Variants in CSMD2 observed in about 807,000 individuals in gnomAD.
CSMD2 encodes the protein CUB and sushi domain-containing protein 2.
In CSMD2, 130 loss-of-function variants were observed where a neutral mutation model predicts 398.5. The observed-to-expected ratio is 0.33, with a 90% CI of 0.28 to 0.38. The LOEUF (loss-of-function observed/expected upper bound fraction) is 0.38, where lower values mean the gene tolerates loss of function less well. Among genes scored for constraint, CSMD2 ranks in the 10% least tolerant of loss-of-function variants. CSMD2 has a pLI of 1.00. For synonymous variants in CSMD2, 1,828 were observed against 1,908.5 expected, an observed-to-expected ratio of 0.96 and a Z score of 1.10; for missense variants, 3,829 against 4,764.9, an observed-to-expected ratio of 0.80 and a Z score of 5.78.
Position 33,519,682 on chromosome 1 carries a change from C to A in CSMD2, c.10737-5G>T, listed in dbSNP as rs369421698. The A allele has an allele frequency of 5.6e-6, 9 of 1,613,802 alleles. No homozygotes were observed. The highest frequency in any genetic ancestry group is 5.5e-5 in the South Asian group (5 of 91,034). ...AAAGGAACTTTGGGTCTTCTCCTGG[C>A]GATAAAAGAGGAAGTGCCCACGGCA... On this transcript the variant is annotated splice_polypyrimidine_tract_variant and splice_region_variant and intron_variant, in intron 69 of 70. Coordinates refer to ENST00000373381, the MANE Select transcript of CSMD2 (RefSeq NM_001281956.2). The surrounding 1 kb of genome is among the most constrained non-coding windows in gnomAD (Gnocchi z 5.6).
chr1:34,149,393 T>C (rs1421192548), intron 1 of CSMD2, among the ~76,000 whole-genome samples: 1 of 152,148 alleles, frequency 6.6e-6, no homozygotes, highest in Non-Finnish European at 1.5e-5. Context: ...CTGCCTGCAA[T>C]GCCTCATCCT....
chr1:33,577,800 G>T (rs1189030273), intron 48 of CSMD2, among the ~76,000 whole-genome samples: 4 of 152,146 alleles, frequency 2.6e-5, no homozygotes, highest in Non-Finnish European at 5.9e-5. Context: ...CTTCAGCTCC[G>T]AAACAGACTT....
rs183780075 is a variant in CSMD2, at chr1:33,749,186, C to A, written c.1847-5580G>T. ...GATCTCGGCTCACTGCAGGCTCCACCCCCCCAGGTTCACGCCATTCTCTTG... is the reference window on the plus strand; with the variant it reads ...GATCTCGGCTCACTGCAGGCTCCACACCCCCAGGTTCACGCCATTCTCTTG... On this transcript the variant is annotated intron_variant, in intron 13 of 70. Transcript: ENST00000373381. Among the ~76,000 whole-genome samples, 590 of 150,744 alleles carry A rather than the reference C, an allele frequency of 3.9e-3. 3 individuals carry two copies. The highest frequency in any genetic ancestry group is 0.013 in the African/African-American group (545 of 40,942).
At chr1:33,587,666 A>G (rs1027810075) in intron 44 of CSMD2, among the ~76,000 whole-genome samples, 4 of 152,248 alleles carry the variant, frequency 2.6e-5, no homozygotes, top group Non-Finnish European at 2.9e-5. Context: ...TACATGCTGC[A>G]TGTGGCTTTT....
intron 4 of CSMD2, 145 bp downstream of exon 4, chr1:33,935,615 G>A (rs1644454130): frequency 2.5e-6 from 2 of 804,240 alleles, no homozygotes; most frequent in Non-Finnish European, 3.8e-6. Context: ...TGAGGACCCT[G>A]AAAACCCTCT....
intron 13 of CSMD2, among the ~76,000 whole-genome samples, chr1:33,745,375 A>G (rs530563038): frequency 6.6e-6 from 1 of 152,238 alleles, no homozygotes; most frequent in South Asian, 2.1e-4. Flanking sequence ...AGCATAAAAA[A>G]GGTAGTTCCA....
chr1:33,966,815 C>A (rs1645573561), intron 3 of CSMD2, among the ~76,000 whole-genome samples: 1 of 152,084 alleles, frequency 6.6e-6, no homozygotes, highest in Non-Finnish European at 1.5e-5. Flanking sequence ...TTTGTGACAG[C>A]TAAAAAGGCG....
intron 6 of CSMD2, among the ~76,000 whole-genome samples, chr1:33,833,644 C>T (rs980792274): frequency 0.012 from 1,742 of 149,652 alleles, 51 homozygotes; most frequent in African/African-American, 0.041. Context: ...GTTGGAAGTT[C>T]TGGCCAGGGC....
chr1:33,932,472 G>A (rs1644343847), intron 4 of CSMD2, among the ~76,000 whole-genome samples: 1 of 152,182 alleles, frequency 6.6e-6, no homozygotes, highest in Non-Finnish European at 1.5e-5. Flanking sequence ...GAAGACTTCA[G>A]AGAGTCGTGC....
chr1:33,803,745 C>A (rs912058051), intron 10 of CSMD2, among the ~76,000 whole-genome samples: 2 of 151,440 alleles, frequency 1.3e-5, no homozygotes, highest in Non-Finnish European at 2.9e-5. Context: ...ACTGCTTCAT[C>A]CTCCTAACTG....
chr1:34,162,121 G>T (rs1447804430), intron 1 of CSMD2, among the ~76,000 whole-genome samples: 1 of 147,588 alleles, frequency 6.8e-6, no homozygotes, highest in Non-Finnish European at 1.5e-5. Flanking sequence ...GCAGCAAGCC[G>T]AGATTGCGCC....
chr1:33,970,477 A>G (rs552828080), intron 3 of CSMD2, among the ~76,000 whole-genome samples: 126 of 152,310 alleles, frequency 8.3e-4, no homozygotes, highest in African/African-American at 2.8e-3. Flanking sequence ...ATGGCACCCA[A>G]GCCTGAGCTC....
chr1:33,570,166 C>CTTTTT (rs5773416), intron 51 of CSMD2, among the ~76,000 whole-genome samples: 39 of 117,284 alleles, frequency 3.3e-4, no homozygotes, highest in Middle Eastern at 4.5e-3. Context: ...CGGACATTGG[C>CTTTTT]TTTTTTTTTT....
In CSMD2 at chr1:33,587,172, A is replaced by C. The variant is rs1639143211; in HGVS notation, c.6857-4T>G. ...GGGCATTTGGTGAGTGGATAAGCTG[A>C]AAAGATAAAAGCAGGCAAGTCAGGG... On this transcript the variant is annotated splice_polypyrimidine_tract_variant and splice_region_variant and intron_variant, in intron 44 of 70. Coordinates refer to ENST00000373381, the MANE Select transcript of CSMD2 (RefSeq NM_001281956.2). The C allele has an allele frequency of 1.2e-6, 2 of 1,603,482 alleles. No homozygotes were observed. The highest frequency in any genetic ancestry group is 1.7e-6 in the Non-Finnish European group (2 of 1,174,694).
At chr1:33,674,608 C>T (rs1293886311) in intron 25 of CSMD2, among the ~76,000 whole-genome samples, 3 of 152,184 alleles carry the variant, frequency 2.0e-5, no homozygotes, top group African/African-American at 7.2e-5. Flanking sequence ...CCAAGCAGAC[C>T]TAATAGACAT....
At chr1:33,782,125 G>C (rs925109466) in intron 12 of CSMD2, among the ~76,000 whole-genome samples, 3 of 152,114 alleles carry the variant, frequency 2.0e-5, no homozygotes, top group Non-Finnish European at 4.4e-5. Flanking sequence ...ATGGATATGG[G>C]AGGTCTCTGC....
intron 1 of CSMD2, among the ~76,000 whole-genome samples, chr1:34,125,691 C>G (rs1018948304): frequency 6.6e-6 from 1 of 152,142 alleles, no homozygotes; most frequent in African/African-American, 2.4e-5. Context: ...ATAAGAATGT[C>G]ACATCCAATT....
intron 62 of CSMD2, 24 bp downstream of exon 62, chr1:33,536,998 C>T (rs1655858983): frequency 6.2e-7 from 1 of 1,605,430 alleles, no homozygotes; most frequent in Admixed American, 1.7e-5. Flanking sequence ...TGTAGGAAGA[C>T]CCTATCTTGG....
intron 10 of CSMD2, among the ~76,000 whole-genome samples, chr1:33,809,849 T>C (rs1656654729): frequency 6.6e-6 from 1 of 152,076 alleles, no homozygotes; most frequent in Admixed American, 6.5e-5. Flanking sequence ...ATCAATTGCA[T>C]TTCTAAACAC....
Sources: gnomAD v4.1 joint callset for allele counts (sites outside exome capture counted in the v4.1 genomes callset) on GRCh38, gnomAD v4.1.1 for gene constraint, Gnocchi (gnomAD v3.1) non-coding constraint, MANE v1.5 for transcripts, NCBI Gene and HGNC (gene_info 2026-07-23, HGNC 2026-07-21) for gene names.